The following SORCS2 variants were observed in gnomAD, a reference collection of about 807,000 sequenced individuals.
SORCS2 encodes the protein sortilin related VPS10 domain containing receptor 2, also known as VPS10 domain-containing receptor SorCS2.
Under a neutral mutation model 141.6 loss-of-function variants are expected in SORCS2, and 100 were observed. That is an observed-to-expected ratio of 0.71 (90% CI 0.60 to 0.83). The LOEUF (loss-of-function observed/expected upper bound fraction) is 0.83, where lower values mean the gene tolerates loss of function less well. SORCS2 is among the 40% of genes least tolerant of loss of function. The probability of loss-of-function intolerance (pLI) is 0.00; values close to 1 mark genes in which losing one functional copy is unlikely to be tolerated. For missense variants in SORCS2, 1,646 were observed against 1,560.2 expected (o/e 1.05, Z -0.93); for synonymous variants, 789 against 676.9 (o/e 1.17, Z -2.57).
intron 2 of SORCS2, among the ~76,000 whole-genome samples, chr4:7,403,978 TATATATATATATATATA>T (rs1285673319): frequency 3.8e-4 from 6 of 15,698 alleles, no homozygotes; most frequent in East Asian, 3.3e-3. Context: ...TATATATATA[TATATATATATATATATA>T]TATTTTTTTT....
At chr4:7,677,451 A>G (rs1254294102) in intron 9 of SORCS2, among the ~76,000 whole-genome samples, 1 of 152,262 alleles carries the variant, frequency 6.6e-6, no homozygotes, top group Non-Finnish European at 1.5e-5. Context: ...AGACATAAGC[A>G]GGAAAACCAG....
chr4:7,293,772 G>T (rs1483199272), intron 1 of SORCS2, among the ~76,000 whole-genome samples: 1 of 152,196 alleles, frequency 6.6e-6, no homozygotes, highest in Non-Finnish European at 1.5e-5. Flanking sequence ...CTGCCTGGGG[G>T]AGCCTAGAGG....
At chr4:7,239,317 T>G (rs1712520207) in intron 1 of SORCS2, among the ~76,000 whole-genome samples, 2 of 152,232 alleles carry the variant, frequency 1.3e-5, no homozygotes, top group South Asian at 4.1e-4. Flanking sequence ...GGCAGGGCTG[T>G]GGCCGGGAGG....
intron 1 of SORCS2, among the ~76,000 whole-genome samples, chr4:7,366,218 C>T (rs1360028883): frequency 1.2e-4 from 19 of 152,118 alleles, no homozygotes; most frequent in African/African-American, 4.6e-4. Context: ...TCCTCCCTCT[C>T]TTCCCTTTCC....
At chr4:7,501,174 G>A (rs1731953963) in intron 2 of SORCS2, among the ~76,000 whole-genome samples, 1 of 152,288 alleles carries the variant, frequency 6.6e-6, no homozygotes, top group East Asian at 1.9e-4. Context: ...TTTGGACACT[G>A]TCCCCATCCC....
intron 20 of SORCS2, 36 bp downstream of exon 20, chr4:7,725,323 C>T (rs768232435): frequency 3.2e-5 from 51 of 1,596,108 alleles, no homozygotes; most frequent in East Asian, 2.3e-4. Context: ...CCCTTCTTCC[C>T]GCAGGCTCCC....
intron 3 of SORCS2, among the ~76,000 whole-genome samples, chr4:7,566,623 G>T (rs193144388): frequency 6.6e-6 from 1 of 152,334 alleles, no homozygotes; most frequent in African/African-American, 2.4e-5. Flanking sequence ...TCTCACTCAG[G>T]GAAGCCCCAG....
intron 3 of SORCS2, among the ~76,000 whole-genome samples, chr4:7,582,221 G>C (rs1716205959): frequency 6.6e-6 from 1 of 152,234 alleles, no homozygotes; most frequent in South Asian, 2.1e-4. Context: ...GAAGCTCAGA[G>C]AGGTTAAGTT....
At chr4:7,226,314 G>A (rs1303994188) in intron 1 of SORCS2, among the ~76,000 whole-genome samples, 1 of 152,204 alleles carries the variant, frequency 6.6e-6, no homozygotes, top group Non-Finnish European at 1.5e-5. Context: ...AAGGAGCAGA[G>A]CCTGGATTGG....
chr4:7,438,494 A>T (rs1365395759), intron 2 of SORCS2, among the ~76,000 whole-genome samples: 1 of 152,194 alleles, frequency 6.6e-6, no homozygotes, highest in East Asian at 1.9e-4. Flanking sequence ...GTTCCTCATC[A>T]AATGTTTATG....
At chr4:7,539,463 G>A (rs577428104) in intron 3 of SORCS2, among the ~76,000 whole-genome samples, 15 of 152,318 alleles carry the variant, frequency 9.8e-5, no homozygotes, top group African/African-American at 3.4e-4. Context: ...CAGAAGTCCA[G>A]TACTTTGTTC....
intron 2 of SORCS2, among the ~76,000 whole-genome samples, chr4:7,435,134 C>A (rs114265863): frequency 6.6e-6 from 1 of 152,180 alleles, no homozygotes; most frequent in African/African-American, 2.4e-5. Flanking sequence ...CTAGCTGATA[C>A]GTGAATGAAG....
chr4:7,211,347 G>A (rs1728050131), intron 1 of SORCS2, among the ~76,000 whole-genome samples: 1 of 151,982 alleles, frequency 6.6e-6, no homozygotes, highest in South Asian at 2.1e-4. Flanking sequence ...GCGCTGGGAC[G>A]GTCACTCCCT....
chr4:7,714,253 T>A lies in SORCS2; in HGVS notation c.2003T>A (p.Ile668Asn). The A allele has an allele frequency of 6.2e-7, 1 of 1,611,202 alleles. No individual in the cohort carries two copies. The highest frequency in any genetic ancestry group is 8.5e-7 in the Non-Finnish European group (1 of 1,178,904). ...TTCCTGCTGCAGGGCGACCGCTGTA[T>A]CATGGGCCAGCAGAGAAGTTTCCGG... Reference protein sequence around the residue: ...ELSNLQGDRCIMGQQRSFRKR... With the variant: ...ELSNLQGDRCNMGQQRSFRKR... Residue 668 changes from isoleucine to asparagine, a missense_variant, in exon 16 of 27, where the codon ATC becomes AAC. Ile to Asn is a moderately radical substitution (Grantham distance 149). Transcript: ENST00000507866.
intron 9 of SORCS2, among the ~76,000 whole-genome samples, chr4:7,682,304 C>G (rs573908386): frequency 5.3e-5 from 8 of 152,028 alleles, no homozygotes; most frequent in Non-Finnish European, 1.0e-4. Context: ...CAGAGGCAAG[C>G]CCAGAGGCAA....
chr4:7,585,550 T>C (rs1716482814), intron 3 of SORCS2, among the ~76,000 whole-genome samples: 1 of 152,202 alleles, frequency 6.6e-6, no homozygotes, highest in African/African-American at 2.4e-5. Flanking sequence ...GACCAGGATA[T>C]CTCTCGTCTA....
rs61426565 is a variant in SORCS2, at chr4:7,465,417, A to G, written c.549-66113A>G. Among the ~76,000 whole-genome samples, 1,151 of 151,568 alleles carry G rather than the reference A, an allele frequency of 7.6e-3. 21 individuals carry two copies. Among genetic ancestry groups the G allele is most frequent in the African/African-American group, 0.026 (1,067 of 41,296 alleles). On this transcript the variant is annotated intron_variant, in intron 2 of 26. Transcript: ENST00000507866. Reference sequence around the variant, plus strand: ...TGCTGTGGGAGCTGGCTGGGAGGGGAGGGTGAGTGGGCTTTTCCCGGTGGC... The same window carrying G: ...TGCTGTGGGAGCTGGCTGGGAGGGGGGGGTGAGTGGGCTTTTCCCGGTGGC...
intron 2 of SORCS2, among the ~76,000 whole-genome samples, chr4:7,509,984 C>T (rs190979056): frequency 6.6e-6 from 1 of 152,354 alleles, no homozygotes; most frequent in East Asian, 1.9e-4. Context: ...AGAATAATCC[C>T]ACTCTGTCTT....
intron 1 of SORCS2, among the ~76,000 whole-genome samples, chr4:7,316,689 G>A (rs1209883064): frequency 6.6e-6 from 1 of 152,218 alleles, no homozygotes; most frequent in African/African-American, 2.4e-5. Context: ...ATGGAAGAGT[G>A]CTGAAATGTT....
Sources: allele counts gnomAD v4.1 joint callset (sites outside exome capture counted in the v4.1 genomes callset), GRCh38; gene constraint gnomAD v4.1.1; transcripts MANE v1.5; gene names NCBI Gene and HGNC (gene_info 2026-07-23, HGNC 2026-07-21).